The following MOB2 variants were observed in gnomAD, a reference collection of about 807,000 sequenced individuals.
MOB2 encodes the protein MOB kinase activator 2.
In MOB2, 14 loss-of-function variants were observed where a neutral mutation model predicts 27.4. The ratio of observed to expected loss-of-function variants is 0.51; its 90% CI spans 0.34 to 0.80. The LOEUF is 0.80. MOB2 is among the 30% of genes least tolerant of loss of function. The pLI is 0.01. For missense variants in MOB2, 304 were observed against 354.6 expected (o/e 0.86, Z 1.15); for synonymous variants, 167 against 151.8 (o/e 1.10, Z -0.74).
intron 3 of MOB2, chr11:1,473,105 G>C (rs1404592426): frequency 6.5e-6 from 1 of 152,756 alleles, no homozygotes; most frequent in Non-Finnish European, 1.5e-5. Context: ...CCCACCTCCA[G>C]AATGCAAACC....
chr11:1,471,382 T>A lies in MOB2; in HGVS notation c.403A>T (p.Lys135Ter). The change falls in exon 4 of 5, where the codon AAG becomes TAG. Residue 135 changes from lysine (K) to a stop codon, truncating the protein, a stop_gained. Coordinates refer to ENST00000329957, the MANE Select transcript of MOB2 (RefSeq NM_001172223.3). LOFTEE classifies it high-confidence loss of function. ...TCAACGTACTGTGGGGCCGTGCACTTGACCTTCTTCCCCCGCTCGTCATAC... is the reference window on the plus strand; with the variant it reads ...TCAACGTACTGTGGGGCCGTGCACTAGACCTTCTTCCCCCGCTCGTCATAC... ...YWYDERGKKV[K>*]CTAPQYVDFV... The A allele has an allele frequency of 6.2e-7, 1 of 1,613,522 alleles. No homozygotes were observed. The highest frequency in any genetic ancestry group is 8.5e-7 in the Non-Finnish European group (1 of 1,179,788).
intron 3 of MOB2, among the ~76,000 whole-genome samples, chr11:1,474,106 C>A (rs1847827364): frequency 6.6e-6 from 1 of 152,260 alleles, no homozygotes; most frequent in African/African-American, 2.4e-5. Flanking sequence ...CACCAGTGTC[C>A]CGACCGGCAT....
chr11:1,474,803 G>A (rs1204658208), intron 3 of MOB2, among the ~76,000 whole-genome samples: 1 of 152,228 alleles, frequency 6.6e-6, no homozygotes, highest in Non-Finnish European at 1.5e-5. Context: ...GTTCCATGGA[G>A]CTCTGTATCC....
At chr11:1,481,381 G>A (rs1032766638) in intron 1 of MOB2, 82 of 201,198 alleles carry the variant, frequency 4.1e-4, no homozygotes, top group African/African-American at 1.8e-3. Flanking sequence ...GCCAGCCTGA[G>A]AGCACGGGGC....
At chr11:1,478,359 G>A (rs574174981) in intron 3 of MOB2, among the ~76,000 whole-genome samples, 6 of 152,398 alleles carry the variant, frequency 3.9e-5, no homozygotes, top group African/African-American at 1.2e-4. Flanking sequence ...GGAGAACTCT[G>A]CAGGGAGCCT....
intron 1 of MOB2, among the ~76,000 whole-genome samples, chr11:1,485,039 A>G (rs1847955822): frequency 6.6e-6 from 1 of 152,230 alleles, no homozygotes; most frequent in African/African-American, 2.4e-5. Flanking sequence ...CCAAACGTCC[A>G]AACAGGCAGG....
chr11:1,470,971 C>T (rs577325625), intron 4 of MOB2, among the ~76,000 whole-genome samples: 241 of 152,360 alleles, frequency 1.6e-3, no homozygotes, highest in African/African-American at 5.6e-3. Flanking sequence ...ACAGGCTTGG[C>T]GGCTGATACC....
chr11:1,474,818 C>T (rs1052493537), intron 3 of MOB2, among the ~76,000 whole-genome samples: 1 of 152,264 alleles, frequency 6.6e-6, no homozygotes, highest in Non-Finnish European at 1.5e-5. Context: ...GTATCCATTC[C>T]TTCAACACTG....
In MOB2 at chr11:1,476,810, T is replaced by TA. The variant is rs570135124; in HGVS notation, c.365+3582dup. On this transcript the variant is annotated intron_variant, in intron 3 of 4. Transcript: ENST00000329957. ...CTGTATTTTCCTGTGTACAGTTTGTTAAAGTTTTTTTGTTGAGGCATCCTC... is the reference window on the plus strand; with the variant it reads ...CTGTATTTTCCTGTGTACAGTTTGTTAAAAGTTTTTTTGTTGAGGCATCCTC... 3.9e-3 allele frequency among the ~76,000 whole-genome samples: 593 copies of TA among 152,338 alleles called. 2 individuals are homozygous for TA. The highest frequency in any genetic ancestry group is 6.9e-3 in the Non-Finnish European group (467 of 68,034).
chr11:1,471,192 G>A (rs1847785419), intron 4 of MOB2, 103 bp downstream of exon 4: 2 of 1,443,326 alleles, frequency 1.4e-6, no homozygotes, highest in Non-Finnish European at 1.9e-6. Flanking sequence ...CGCCCTCCGT[G>A]CCTCTGCCCC....
chr11:1,483,068 G>A (rs926975628), intron 1 of MOB2, among the ~76,000 whole-genome samples: 2 of 152,224 alleles, frequency 1.3e-5, no homozygotes, highest in Non-Finnish European at 2.9e-5. Flanking sequence ...TCTTGGCTTT[G>A]CCCAGTGGAG....
At position 1,470,355 on chromosome 11, in the gene MOB2, C is replaced by A; in HGVS notation, c.624G>T (p.Thr208=). The A allele has an allele frequency of 5.0e-6, 8 of 1,613,636 alleles. No homozygotes were observed. Among genetic ancestry groups the A allele is most frequent in the Non-Finnish European group, 6.8e-6 (8 of 1,179,894 alleles). The change falls in exon 5 of 5, where the codon ACG becomes ACT. Residue 208 remains threonine, a synonymous_variant. Coordinates refer to ENST00000329957, the MANE Select transcript of MOB2 (RefSeq NM_001172223.3). ...LALELHGHLN[T]LYVHFILFAR... is the part of the protein sequence containing the mutation. ...CAAAGAGGATGAAGTGGACGTAGAG[C>A]GTGTTCAAGTGTCCGTGCAGCTCCA... is the stretch of plus-strand genomic sequence containing the variant.
intron 1 of MOB2, among the ~76,000 whole-genome samples, chr11:1,485,806 G>A (rs781216806): frequency 1.5e-4 from 23 of 152,178 alleles, no homozygotes; most frequent in Non-Finnish European, 2.9e-4. Context: ...TGCACACACC[G>A]AGCTGAGTGG....
chr11:1,480,663 A>G, intron 2 of MOB2, 62 bp downstream of exon 2: 12 of 1,574,864 alleles, frequency 7.6e-6, no homozygotes, highest in Non-Finnish European at 1.0e-5. Context: ...GTCCCCCTTG[A>G]GGAGGGGCTT....
rs1847766033 is a variant in MOB2, at chr11:1,470,177, T to A, written c.802A>T (p.Arg268Ter). ...GPGAQNHVKER is the reference protein window; with the variant it reads ...GPGAQNHVKE ...CCCTGTCCGGCCCGGGGGGCTCATC[T>A]CTCCTTCACGTGGTTCTGTGCTCCC... Residue 268 changes from arginine to a stop codon, truncating the protein, a stop_gained, in exon 5 of 5, where the codon AGA becomes TGA. Coordinates refer to ENST00000329957, the MANE Select transcript of MOB2 (RefSeq NM_001172223.3). LOFTEE classifies it high-confidence loss of function. 1 of 1,600,432 alleles carries A rather than the reference T, an allele frequency of 6.2e-7. No homozygotes were observed.
chr11:1,477,830 T>G (rs1847869181), intron 3 of MOB2, among the ~76,000 whole-genome samples: 1 of 152,214 alleles, frequency 6.6e-6, no homozygotes, highest in Non-Finnish European at 1.5e-5. Flanking sequence ...ACCAGAGAGT[T>G]GGTTATTTTA....
Position 1,469,729 on chromosome 11 carries a change from G to A in MOB2, c.*443C>T. 2.2e-6 allele frequency: 1 copy of A among 462,846 alleles called. No homozygotes were observed. Among genetic ancestry groups the A allele is most frequent in the Non-Finnish European group, 4.3e-6 (1 of 231,514 alleles). 28.7% of individuals were successfully genotyped at this position (462,846 alleles called of 1,614,324 possible). On this transcript the variant is annotated 3_prime_UTR_variant, in exon 5 of 5. Transcript: ENST00000329957. ...CTGGCGAGGCCGGGAGAGGAGGGGTGAGAGGGAAGGAGGGTCTCTGTGAAA... is the reference window on the plus strand; with the variant it reads ...CTGGCGAGGCCGGGAGAGGAGGGGTAAGAGGGAAGGAGGGTCTCTGTGAAA...
intron 4 of MOB2, 45 bp downstream of exon 4, chr11:1,471,250 C>G (rs1847786041): frequency 1.3e-6 from 2 of 1,584,668 alleles, no homozygotes; most frequent in African/African-American, 1.3e-5. Flanking sequence ...TGAATGCTCC[C>G]TGCCCCACTG....
At chr11:1,470,519 G>GCTC in intron 4 of MOB2, 31 bp from the exon 5 acceptor site, 1 of 1,595,378 alleles carries the variant, frequency 6.3e-7, no homozygotes, top group South Asian at 1.1e-5. Context: ...ACAAGCTGCA[G>GCTC]ACATCCCTTG....
Sources: allele counts gnomAD v4.1 joint callset (sites outside exome capture counted in the v4.1 genomes callset), GRCh38; gene constraint gnomAD v4.1.1; transcripts MANE v1.5; gene names NCBI Gene and HGNC (gene_info 2026-07-23, HGNC 2026-07-21).